Variants in PAQR5 observed in about 807,000 individuals in gnomAD.
PAQR5 encodes the protein progestin and adipoQ receptor family member 5.
A neutral mutation model predicts 34.5 loss-of-function variants in PAQR5; 20 were observed. The observed-to-expected ratio is 0.58, with a 90% CI of 0.41 to 0.84. The LOEUF is 0.84. Among genes scored for constraint, PAQR5 ranks in the 40% least tolerant of loss-of-function variants. The pLI is 0.00. For missense variants in PAQR5, 378 were observed against 412.7 expected (o/e 0.92, Z 0.73); for synonymous variants, 131 against 155.6 (o/e 0.84, Z 1.18).
At chr15:69,388,232 G>A (rs2056165758) in intron 5 of PAQR5, among the ~76,000 whole-genome samples, 1 of 152,186 alleles carries the variant, frequency 6.6e-6, no homozygotes, top group Admixed American at 6.5e-5. Flanking sequence ...GCCATCCTGT[G>A]TGCTTTCACT....
chr15:69,316,863 C>T (rs569836597), intron 1 of PAQR5, among the ~76,000 whole-genome samples: 1 of 152,246 alleles, frequency 6.6e-6, no homozygotes, highest in African/African-American at 2.4e-5. Flanking sequence ...CTCTGTCCCC[C>T]AGGCTGCGTG....
chr15:69,393,996 T>G (rs1162452002), intron 6 of PAQR5, among the ~76,000 whole-genome samples: 1 of 152,122 alleles, frequency 6.6e-6, no homozygotes. Context: ...TGCTCATGCC[T>G]GCACAGGAAA....
At chr15:69,318,321 G>C (rs2054000950) in intron 1 of PAQR5, among the ~76,000 whole-genome samples, 1 of 152,236 alleles carries the variant, frequency 6.6e-6, no homozygotes, top group Admixed American at 6.5e-5. Flanking sequence ...CACAAGGCAG[G>C]ATTTGGTGTC....
intron 1 of PAQR5, chr15:69,314,439 G>C (rs1460474424): frequency 6.6e-6 from 1 of 152,220 alleles, no homozygotes; most frequent in Non-Finnish European, 1.5e-5. Context: ...CCCGCGATCA[G>C]CTCGCTGTGT....
intron 3 of PAQR5, among the ~76,000 whole-genome samples, chr15:69,360,772 G>C (rs1245566956): frequency 1.3e-5 from 2 of 152,176 alleles, no homozygotes; most frequent in African/African-American, 4.8e-5. Context: ...CCCCTTTGTT[G>C]ATGTCAAATT....
At chr15:69,307,363 T>C (rs2053741509) in intron 1 of PAQR5, among the ~76,000 whole-genome samples, 1 of 152,224 alleles carries the variant, frequency 6.6e-6, no homozygotes, top group Non-Finnish European at 1.5e-5. Flanking sequence ...ATGGTGCTTC[T>C]ATGTTTAAGT....
intron 2 of PAQR5, among the ~76,000 whole-genome samples, chr15:69,342,867 C>T (rs1408303156): frequency 6.6e-6 from 1 of 152,230 alleles, no homozygotes; most frequent in Non-Finnish European, 1.5e-5. Context: ...TCAGACCCTG[C>T]ACCTTGCAGC....
At chr15:69,372,342 A>G (rs12910248) in intron 3 of PAQR5, among the ~76,000 whole-genome samples, 144,132 of 152,126 alleles carry the variant, frequency 0.95, 68,786 homozygotes, top group Non-Finnish European at 1. Flanking sequence ...TCAGGAGTTC[A>G]AGACCAGCCT....
chr15:69,390,231 G>C (rs2056219532), intron 6 of PAQR5, among the ~76,000 whole-genome samples: 1 of 152,128 alleles, frequency 6.6e-6, no homozygotes, highest in South Asian at 2.1e-4. Context: ...GGTCAGGCTG[G>C]TCTGGAACTC....
chr15:69,303,846 A>G (rs79040763), intron 1 of PAQR5, among the ~76,000 whole-genome samples: 3 of 152,356 alleles, frequency 2.0e-5, no homozygotes, highest in Non-Finnish European at 4.4e-5. Context: ...GATCTTGTGC[A>G]GGCCTCTACA....
rs1233042278 is a variant in PAQR5, at chr15:69,405,562, C to T, written c.*1740C>T. ...ATCTGACATTATTAGTGGAATTCCA[C>T]ACCAACAGGGCTTGTGAGCTTCCAT... On this transcript the variant is annotated 3_prime_UTR_variant, in exon 9 of 9. Coordinates refer to ENST00000395407, the MANE Select transcript of PAQR5 (RefSeq NM_017705.4). 1 of 152,190 alleles carries T rather than the reference C, an allele frequency of 6.6e-6. No homozygotes were observed. Among genetic ancestry groups the T allele is most frequent in the Non-Finnish European group, 1.5e-5 (1 of 68,048 alleles). 9.4% of individuals were successfully genotyped at this position (152,190 alleles called of 1,614,324 possible).
At chr15:69,396,630 C>T (rs1377516365) in intron 6 of PAQR5, among the ~76,000 whole-genome samples, 1 of 152,146 alleles carries the variant, frequency 6.6e-6, no homozygotes, top group African/African-American at 2.4e-5. Context: ...TGAGCACTTC[C>T]TTACCCAGGC....
chr15:69,335,029 C>T (rs941316833), intron 1 of PAQR5, among the ~76,000 whole-genome samples: 2 of 151,866 alleles, frequency 1.3e-5, no homozygotes, highest in Non-Finnish European at 2.9e-5. Context: ...TCAAGACCAG[C>T]CTGGCCAACA....
intron 3 of PAQR5, among the ~76,000 whole-genome samples, chr15:69,375,867 C>T (rs1164659270): frequency 6.6e-6 from 1 of 152,184 alleles, no homozygotes; most frequent in African/African-American, 2.4e-5. Flanking sequence ...TCCAAATCTG[C>T]CATTATTTAC....
rs1566998110 is a variant in PAQR5, at chr15:69,322,789, AGGAAGAAGAAGAAGAGGAAGAG to A, written c.-276-14550_-276-14529del. Among the ~76,000 whole-genome samples, 5 of 106,742 alleles carry A rather than the reference AGGAAGAAGAAGAAGAGGAAGAG, an allele frequency of 4.7e-5. 1 individual carries two copies. Among genetic ancestry groups the A allele is most frequent in the Admixed American group, 2.0e-4 (2 of 10,090 alleles). 70.0% of individuals were successfully genotyped at this position (106,742 alleles called of 152,430 possible). On this transcript the variant is annotated intron_variant, in intron 1 of 8. Coordinates refer to ENST00000395407, the MANE Select transcript of PAQR5 (RefSeq NM_017705.4). ...GAAGAAGAGGGAGAAGAAGAAGACGAGGAAGAAGAAGAAGAGGAAGAGGAAGAAGAAGAAGAAGAAGAAGAAG... is the reference window on the plus strand; with the variant it reads ...GAAGAAGAGGGAGAAGAAGAAGACGAGAAGAAGAAGAAGAAGAAGAAGAAG...
chr15:69,390,057 C>A (rs2056214375), intron 6 of PAQR5, among the ~76,000 whole-genome samples: 1 of 152,184 alleles, frequency 6.6e-6, no homozygotes, highest in African/African-American at 2.4e-5. Context: ...ACTCTGTCAC[C>A]CAGGCTGAAG....
rs1331566176 is a variant in PAQR5 at position 69,384,834 on chromosome 15, C to A, written c.337C>A (p.His113Asn). The A allele has an allele frequency of 2.5e-6, 4 of 1,614,164 alleles. No individual in the cohort carries two copies. The highest frequency in any genetic ancestry group is 2.5e-6 in the Non-Finnish European group (3 of 1,180,002). The change falls in exon 5 of 9, where the codon CAC becomes AAC. Residue 113 changes from histidine to asparagine, a missense_variant. Transcript: ENST00000395407. ...TFSSMSKNAR[H>N]ICYFLDYGAV... is the part of the protein sequence containing the mutation. ...CAGCTCTATGTCCAAGAATGCCCGG[C>A]ACATTTGCTACTTCCTGGACTATGG...
At chr15:69,309,833 G>A (rs192104879) in intron 1 of PAQR5, among the ~76,000 whole-genome samples, 37 of 152,118 alleles carry the variant, frequency 2.4e-4, no homozygotes, top group Admixed American at 5.9e-4. Context: ...CTGATCACCT[G>A]AGGTCAGGAG....
At chr15:69,346,009 T>G (rs2054759731) in intron 2 of PAQR5, among the ~76,000 whole-genome samples, 1 of 152,220 alleles carries the variant, frequency 6.6e-6, no homozygotes, top group Admixed American at 6.5e-5. Flanking sequence ...TGGCAGAGCT[T>G]TACAGTTATG....
Sources: gnomAD v4.1 joint callset for allele counts (sites outside exome capture counted in the v4.1 genomes callset) on GRCh38, gnomAD v4.1.1 for gene constraint, MANE v1.5 for transcripts, NCBI Gene and HGNC (gene_info 2026-07-23, HGNC 2026-07-21) for gene names.